Variants in PACRG observed in about 807,000 individuals in gnomAD.
The protein encoded by PACRG is parkin coregulated gene protein.
Under a neutral mutation model 29.7 loss-of-function variants are expected in PACRG, and 29 were observed. The ratio of observed to expected loss-of-function variants is 0.98; its 90% CI spans 0.73 to 1.33. The LOEUF is 1.33. Ranked by LOEUF, PACRG falls within the 40% of genes most tolerant of loss-of-function variation. The pLI is 0.00. For missense variants in PACRG, 279 were observed against 316.2 expected (o/e 0.88, Z 0.89); for synonymous variants, 116 against 118.7 (o/e 0.98, Z 0.15).
chr6:163,176,642 C>T (rs960584852), intron 4 of PACRG, among the ~76,000 whole-genome samples: 2 of 152,142 alleles, frequency 1.3e-5, no homozygotes, highest in East Asian at 3.9e-4. Flanking sequence ...GCAAAGTTAA[C>T]GTATGTGGTA....
intron 2 of PACRG, among the ~76,000 whole-genome samples, chr6:162,896,028 AG>A (rs1795138786): frequency 6.6e-6 from 1 of 152,170 alleles, no homozygotes; most frequent in African/African-American, 2.4e-5. Flanking sequence ...AGTCATCAAA[AG>A]CTTGATTGCT....
chr6:162,778,919 A>G (rs904801704), intron 1 of PACRG, among the ~76,000 whole-genome samples: 5 of 152,214 alleles, frequency 3.3e-5, no homozygotes, highest in Admixed American at 1.3e-4. Context: ...CAGGATGTGC[A>G]GGTTTGTTTC....
intron 1 of PACRG, among the ~76,000 whole-genome samples, chr6:162,784,882 A>G (rs1409137701): frequency 6.6e-6 from 1 of 152,154 alleles, no homozygotes; most frequent in Non-Finnish European, 1.5e-5. Flanking sequence ...AGAATTGGTT[A>G]GTTTTCAAGC....
At chr6:162,898,149 A>G (rs995867715) in intron 2 of PACRG, among the ~76,000 whole-genome samples, 3 of 152,198 alleles carry the variant, frequency 2.0e-5, no homozygotes, top group African/African-American at 7.2e-5. Context: ...CAGCTACAGG[A>G]TAGGGCCTGT....
chr6:162,807,334 G>A (rs1006472660), intron 1 of PACRG, among the ~76,000 whole-genome samples: 22 of 152,102 alleles, frequency 1.4e-4, no homozygotes, highest in Admixed American at 6.6e-4. Context: ...TAACTATTTG[G>A]TACAAGAGGT....
chr6:162,769,410 G>A (rs1183472702), intron 1 of PACRG, among the ~76,000 whole-genome samples: 1 of 150,018 alleles, frequency 6.7e-6, no homozygotes, highest in Non-Finnish European at 1.5e-5. Context: ...TTTTACAAGT[G>A]AGGATAAACT....
At position 162,845,206 on chromosome 6, in the gene PACRG, T is replaced by A. The variant is rs186411563; in HGVS notation, c.291+30925T>A. The stretch of plus-strand genomic sequence containing the variant: ...CAGACTAGCAATGCAGTAAAAATAC[T>A]TCAGACAAAATACTAGGTTAAAAAA... On this transcript the variant is annotated intron_variant, in intron 2 of 4. Transcript: ENST00000366888. Among the ~76,000 whole-genome samples the A allele has an allele frequency of 8.2e-4, 125 of 152,028 alleles. No individual in the cohort carries two copies. The East Asian group carries it at 0.011, about 14-fold the overall frequency.
chr6:163,183,132 T>G (rs1339919132), intron 4 of PACRG: 1 of 152,130 alleles, frequency 6.6e-6, no homozygotes, highest in East Asian at 1.9e-4. Context: ...TCTGGGAAGG[T>G]ATGAAGGCAA....
chr6:163,109,632 C>A (rs1318788043), intron 4 of PACRG, among the ~76,000 whole-genome samples: 1 of 152,154 alleles, frequency 6.6e-6, no homozygotes, highest in African/African-American at 2.4e-5. Context: ...AATCAACTTC[C>A]TAAGCACCTC....
chr6:162,999,046 A>T (rs1804343156), intron 2 of PACRG, among the ~76,000 whole-genome samples: 1 of 152,220 alleles, frequency 6.6e-6, no homozygotes, highest in African/African-American at 2.4e-5. Context: ...AATAGGAAAG[A>T]ACTTGCACTA....
At chr6:163,201,119 G>C (rs1218427867) in intron 4 of PACRG, among the ~76,000 whole-genome samples, 3 of 151,510 alleles carry the variant, frequency 2.0e-5, no homozygotes, top group Admixed American at 6.6e-5. Flanking sequence ...ACAAGTATAA[G>C]GAAAGCTAAC....
intron 1 of PACRG, among the ~76,000 whole-genome samples, chr6:162,758,377 C>A (rs1329881215): frequency 4.6e-5 from 7 of 152,084 alleles, no homozygotes; most frequent in African/African-American, 1.7e-4. Context: ...GAAAGAACGG[C>A]TCTTTTTCTT....
chr6:162,887,233 G>A (rs370660747), intron 2 of PACRG, among the ~76,000 whole-genome samples: 28 of 152,276 alleles, frequency 1.8e-4, no homozygotes, highest in African/African-American at 5.1e-4. Context: ...AATTATAGGT[G>A]TGAGCCACTG....
At chr6:162,996,142 GCA>G (rs1396983873) in intron 2 of PACRG, among the ~76,000 whole-genome samples, 1 of 151,976 alleles carries the variant, frequency 6.6e-6, no homozygotes, top group South Asian at 2.1e-4. Flanking sequence ...GTGTGTGCAT[GCA>G]CACACACACC....
chr6:162,827,858 C>G (rs185865618), intron 2 of PACRG, among the ~76,000 whole-genome samples: 12 of 152,096 alleles, frequency 7.9e-5, no homozygotes, highest in Admixed American at 7.2e-4. Context: ...TCCTAAAAGT[C>G]TTTCCTGACT....
At chr6:162,817,639 G>A (rs542055626) in intron 2 of PACRG, among the ~76,000 whole-genome samples, 19 of 152,122 alleles carry the variant, frequency 1.2e-4, no homozygotes, top group Non-Finnish European at 1.2e-4. Flanking sequence ...GGAGACTGAG[G>A]AACTCAATTT....
At chr6:162,748,386 G>A (rs140136794) in intron 1 of PACRG, among the ~76,000 whole-genome samples, 318 of 152,202 alleles carry the variant, frequency 2.1e-3, no homozygotes, top group Non-Finnish European at 2.6e-3. Flanking sequence ...CCAGCTACTC[G>A]GGAGGCTGAG....
At chr6:163,000,218 AG>A (rs1204005917) in intron 2 of PACRG, among the ~76,000 whole-genome samples, 1 of 152,212 alleles carries the variant, frequency 6.6e-6, no homozygotes, top group Admixed American at 6.5e-5. Flanking sequence ...AAATGCAATC[AG>A]GCTTCATCTG....
chr6:163,045,889 C>G (rs1356217763), intron 2 of PACRG, among the ~76,000 whole-genome samples: 2 of 152,158 alleles, frequency 1.3e-5, no homozygotes, highest in Non-Finnish European at 2.9e-5. Context: ...GCTGGGATTA[C>G]AGGTGTGAGG....
Sources: allele counts gnomAD v4.1 joint callset (sites outside exome capture counted in the v4.1 genomes callset), GRCh38; gene constraint gnomAD v4.1.1; transcripts MANE v1.5; gene names NCBI Gene and HGNC (gene_info 2026-07-23, HGNC 2026-07-21).